ROBO2: variants seen among roughly 807,000 people sequenced by gnomAD.
ROBO2 encodes the protein roundabout guidance receptor 2.
ROBO2 carries 53 observed loss-of-function variants against 160.8 expected under a neutral mutation model. The observed-to-expected ratio is 0.33, with a 90% CI of 0.26 to 0.41. ROBO2 has a LOEUF of 0.41. Among genes scored for constraint, ROBO2 ranks in the 10% least tolerant of loss-of-function variants. The pLI is 1.00. For missense variants in ROBO2, 1,577 were observed against 1,722.4 expected, an observed-to-expected ratio of 0.92 and a Z score of 1.49; for synonymous variants, 664 against 611.7, an observed-to-expected ratio of 1.09 and a Z score of -1.26.
At chr3:77,005,088 A>G (rs2061513357) in intron 2 of ROBO2, among the ~76,000 whole-genome samples, 1 of 152,194 alleles carries the variant, frequency 6.6e-6, no homozygotes, top group African/African-American at 2.4e-5. Flanking sequence ...GACAGGTTGG[A>G]CACGCTTGGC....
At chr3:76,419,203 G>T (rs912839584) in intron 2 of ROBO2, among the ~76,000 whole-genome samples, 1 of 152,152 alleles carries the variant, frequency 6.6e-6, no homozygotes, top group African/African-American at 2.4e-5. Context: ...CACGGTGCGA[G>T]TTATTTGTGT....
chr3:76,732,452 A>T (rs2093651322), intron 2 of ROBO2, among the ~76,000 whole-genome samples: 1 of 152,134 alleles, frequency 6.6e-6, no homozygotes, highest in Non-Finnish European at 1.5e-5. Flanking sequence ...TGCTGATGGG[A>T]GGTGGCAGGG....
At chr3:76,030,186 A>G (rs1305889478) in intron 2 of ROBO2, among the ~76,000 whole-genome samples, 11 of 152,106 alleles carry the variant, frequency 7.2e-5, no homozygotes, top group Non-Finnish European at 1.5e-4. Context: ...GTCTGTTCAT[A>G]TCCTTTGCCC....
At chr3:77,317,879 G>C (rs1212195435) in intron 2 of ROBO2, among the ~76,000 whole-genome samples, 1 of 65,466 alleles carries the variant, frequency 1.5e-5, no homozygotes, top group Non-Finnish European at 3.0e-5. Flanking sequence ...GCTGCTGGGG[G>C]GCTGCTGGGG....
At chr3:76,134,464 G>C (rs778651178) in intron 2 of ROBO2, among the ~76,000 whole-genome samples, 54 of 152,120 alleles carry the variant, frequency 3.5e-4, no homozygotes, top group Non-Finnish European at 6.0e-4. Context: ...GGATTTTGCA[G>C]ATGTATTAAG....
chr3:76,532,333 G>A (rs968812922), intron 2 of ROBO2, among the ~76,000 whole-genome samples: 2 of 152,202 alleles, frequency 1.3e-5, no homozygotes, highest in African/African-American at 4.8e-5. Flanking sequence ...GGCAGCCTTA[G>A]AAACATCCAG....
At chr3:77,132,163 T>C (rs1463422265) in intron 2 of ROBO2, among the ~76,000 whole-genome samples, 1 of 152,078 alleles carries the variant, frequency 6.6e-6, no homozygotes. Flanking sequence ...GCATATGATT[T>C]ATTATAGGGT....
chr3:77,093,406 T>G (rs2070597355), intron 1 of ROBO2, among the ~76,000 whole-genome samples: 1 of 152,118 alleles, frequency 6.6e-6, no homozygotes, highest in Admixed American at 6.6e-5. Flanking sequence ...CAACTCAGCT[T>G]TATTTTTTGA....
chr3:76,795,482 A>G (rs2063629148), intron 2 of ROBO2, among the ~76,000 whole-genome samples: 1 of 152,120 alleles, frequency 6.6e-6, no homozygotes, highest in African/African-American at 2.4e-5. Flanking sequence ...CATCATCACC[A>G]GAAGTAGATT....
chr3:77,054,459 A>G lies in ROBO2; in HGVS notation c.61+13613A>G, dbSNP rs201461214. Among the ~76,000 whole-genome samples, 6 of 152,276 alleles carry G rather than the reference A, an allele frequency of 3.9e-5. No individual in the cohort carries two copies. The East Asian group carries it at 9.7e-4, about 25-fold the overall frequency. On this transcript the variant is annotated intron_variant, in intron 1 of 25. Coordinates refer to ENST00000461745, the Ensembl canonical transcript of ROBO2. ...GGAAGTCAAGGGTCTTCCTTCCAGT[A>G]GAAGAAAGTATTGGATGGAGTAGGG...
chr3:76,292,803 TTTTCA>T (rs1324431461), intron 2 of ROBO2, among the ~76,000 whole-genome samples: 1 of 152,200 alleles, frequency 6.6e-6, no homozygotes, highest in African/African-American at 2.4e-5. Context: ...TAACACCATG[TTTTCA>T]TTTCAATTCA....
intron 2 of ROBO2, among the ~76,000 whole-genome samples, chr3:76,453,616 C>A (rs2077591663): frequency 6.6e-6 from 1 of 152,134 alleles, no homozygotes; most frequent in Non-Finnish European, 1.5e-5. Context: ...AGCGTGATGC[C>A]TCCAGCTTTG....
At chr3:76,910,725 C>CAAAAAAAAAAAAAA (rs10662303) in intron 2 of ROBO2, among the ~76,000 whole-genome samples, 2 of 35,518 alleles carry the variant, frequency 5.6e-5, no homozygotes, top group African/African-American at 1.3e-4. Flanking sequence ...AACTCTGTCT[C>CAAAAAAAAAAAAAA]AAAAAAAAAA....
intron 2 of ROBO2, among the ~76,000 whole-genome samples, chr3:76,578,217 G>A (rs1468976919): frequency 6.6e-6 from 1 of 152,102 alleles, no homozygotes; most frequent in Non-Finnish European, 1.5e-5. Context: ...GAACACCTGG[G>A]ACAATGCCTG....
At chr3:77,302,783 A>G (rs2062771236) in intron 2 of ROBO2, among the ~76,000 whole-genome samples, 2 of 152,192 alleles carry the variant, frequency 1.3e-5, no homozygotes, top group African/African-American at 4.8e-5. Context: ...GAAGGCAACA[A>G]CAGCAGCTGG....
chr3:76,301,849 A>G (rs990559233), intron 2 of ROBO2, among the ~76,000 whole-genome samples: 3 of 151,954 alleles, frequency 2.0e-5, no homozygotes, highest in Admixed American at 6.6e-5. Flanking sequence ...ATTTTTCTAA[A>G]CCCTTCTGAG....
chr3:76,541,505 G>A (rs890848307), intron 2 of ROBO2, among the ~76,000 whole-genome samples: 3 of 152,160 alleles, frequency 2.0e-5, no homozygotes, highest in African/African-American at 7.2e-5. Flanking sequence ...TGTGTGCCAT[G>A]TGCTAGTCTA....
At chr3:76,061,766 C>G (rs1027917123) in intron 2 of ROBO2, among the ~76,000 whole-genome samples, 1 of 151,968 alleles carries the variant, frequency 6.6e-6, no homozygotes, top group African/African-American at 2.4e-5. Context: ...ATTATGTAGC[C>G]TAGAAATTCA....
intron 2 of ROBO2, among the ~76,000 whole-genome samples, chr3:76,053,598 T>C (rs1035517937): frequency 2.0e-5 from 3 of 152,066 alleles, no homozygotes; most frequent in Non-Finnish European, 4.4e-5. Context: ...AGAAATGTTA[T>C]CAGATGCTAT....
Sources: gnomAD v4.1 joint callset for allele counts (sites outside exome capture counted in the v4.1 genomes callset) on GRCh38, gnomAD v4.1.1 for gene constraint, MANE v1.5 for transcripts, NCBI Gene and HGNC (gene_info 2026-07-23, HGNC 2026-07-21) for gene names.